TXNDC16: variants seen among roughly 807,000 people sequenced by gnomAD.
TXNDC16 encodes thioredoxin domain containing 16, also known as thioredoxin domain-containing protein 16.
In TXNDC16, 74 loss-of-function variants were observed where a neutral mutation model predicts 85.6. That is an observed-to-expected ratio of 0.86 (90% CI 0.72 to 1.05). The LOEUF is 1.05. Among genes scored for constraint, TXNDC16 ranks in the 50% least tolerant of loss-of-function variants. TXNDC16 has a pLI of 0.00. For synonymous variants in TXNDC16, 335 were observed against 326.5 expected (o/e 1.03, Z -0.28); for missense variants, 959 against 947.0 (o/e 1.01, Z -0.17).
intron 9 of TXNDC16, among the ~76,000 whole-genome samples, chr14:52,496,012 T>C (rs911453598): frequency 6.6e-6 from 1 of 151,806 alleles, no homozygotes; most frequent in Non-Finnish European, 1.5e-5. Context: ...GAAAAAAAAT[T>C]AGCCGGGTGT....
At chr14:52,535,216 C>A (rs1052846490) in intron 6 of TXNDC16, among the ~76,000 whole-genome samples, 1 of 152,108 alleles carries the variant, frequency 6.6e-6, no homozygotes, top group East Asian at 1.9e-4. Context: ...ATATCTATTA[C>A]TTGGACTTTT....
intron 4 of TXNDC16, among the ~76,000 whole-genome samples, chr14:52,539,958 T>C (rs758753538): frequency 2.0e-5 from 3 of 152,210 alleles, no homozygotes; most frequent in Non-Finnish European, 2.9e-5. Context: ...TCAAATTTTG[T>C]ACTTTACGTT....
intron 9 of TXNDC16, among the ~76,000 whole-genome samples, chr14:52,505,008 A>C (rs1176123098): frequency 6.6e-6 from 1 of 152,278 alleles, no homozygotes; most frequent in South Asian, 2.1e-4. Flanking sequence ...ATCAATTCAA[A>C]AAGAAGAGCT....
At chr14:52,540,448 A>T (rs879691302) in intron 4 of TXNDC16, among the ~76,000 whole-genome samples, 1 of 152,094 alleles carries the variant, frequency 6.6e-6, no homozygotes, top group Non-Finnish European at 1.5e-5. Flanking sequence ...AATATGGTGA[A>T]ACCCCATCTC....
chr14:52,514,847 T>A (rs760233550), intron 8 of TXNDC16, 33 bp downstream of exon 8: 1 of 1,504,490 alleles, frequency 6.6e-7, no homozygotes, highest in East Asian at 2.3e-5. Flanking sequence ...AAAAAAAACC[T>A]TTAAATTGTT....
chr14:52,524,026 AGTAAAAAGTAT>A (rs1566577310), intron 6 of TXNDC16, among the ~76,000 whole-genome samples: 1 of 152,244 alleles, frequency 6.6e-6, no homozygotes, highest in African/African-American at 2.4e-5. Flanking sequence ...ATAATTTCCC[AGTAAAAAGTAT>A]GTCATTATCG....
At chr14:52,508,793 A>T (rs905995766) in intron 9 of TXNDC16, among the ~76,000 whole-genome samples, 1 of 152,180 alleles carries the variant, frequency 6.6e-6, no homozygotes, top group African/African-American at 2.4e-5. Flanking sequence ...GGAAACCATC[A>T]TTCTCAGCAA....
chr14:52,498,048 C>T (rs1023183688), intron 9 of TXNDC16, among the ~76,000 whole-genome samples: 1 of 152,098 alleles, frequency 6.6e-6, no homozygotes, highest in Non-Finnish European at 1.5e-5. Flanking sequence ...GGACAAAAAT[C>T]ACATGGTCAT....
chr14:52,458,554 AT>A lies in TXNDC16; in HGVS notation c.1619-1381del, dbSNP rs1440762842. Among the ~76,000 whole-genome samples, 3 of 152,184 alleles carry A rather than the reference AT, an allele frequency of 2.0e-5. No homozygotes were observed. The South Asian group carries it at 6.2e-4, about 31-fold the overall frequency. On this transcript the variant is annotated intron_variant, in intron 16 of 20. Transcript: ENST00000281741. ...AGAGCGAGACTCTGTCTCAAAAAAAATAAAAAGAGAGACGAGAGACAGAGAG... is the reference window on the plus strand; with the variant it reads ...AGAGCGAGACTCTGTCTCAAAAAAAAAAAAAGAGAGACGAGAGACAGAGAG...
chr14:52,464,300 C>T (rs2035721353), intron 16 of TXNDC16, among the ~76,000 whole-genome samples: 1 of 152,154 alleles, frequency 6.6e-6, no homozygotes, highest in Non-Finnish European at 1.5e-5. Flanking sequence ...TTTCTAGTTG[C>T]TACCAGATTG....
chr14:52,543,314 T>C, intron 3 of TXNDC16, 84 bp downstream of exon 3: 2 of 1,419,400 alleles, frequency 1.4e-6, no homozygotes, highest in Non-Finnish European at 1.9e-6. Flanking sequence ...TTATTAATCT[T>C]AACAGAAATT....
At chr14:52,519,648 G>T (rs573960545) in intron 6 of TXNDC16, among the ~76,000 whole-genome samples, 1 of 152,264 alleles carries the variant, frequency 6.6e-6, no homozygotes, top group Admixed American at 6.5e-5. Flanking sequence ...AGGCTTCTTT[G>T]CATGGCCTAT....
intron 7 of TXNDC16, 47 bp downstream of exon 7, chr14:52,519,125 A>G (rs780509903): frequency 1.1e-5 from 17 of 1,564,488 alleles, no homozygotes; most frequent in Admixed American, 3.7e-5. Flanking sequence ...TTCAACATAC[A>G]TAAGTACAGA....
chr14:52,450,393 A>G (rs1159623451), intron 18 of TXNDC16, among the ~76,000 whole-genome samples: 1 of 152,022 alleles, frequency 6.6e-6, no homozygotes, highest in Non-Finnish European at 1.5e-5. Flanking sequence ...AAGAAATTCA[A>G]AACCTAAATG....
At chr14:52,507,231 T>C (rs1388383661) in intron 9 of TXNDC16, among the ~76,000 whole-genome samples, 1 of 152,064 alleles carries the variant, frequency 6.6e-6, no homozygotes, top group African/African-American at 2.4e-5. Flanking sequence ...GGATACAAAA[T>C]CAATGTGCAA....
At chr14:52,474,488 T>C (rs2035976728) in intron 14 of TXNDC16, among the ~76,000 whole-genome samples, 1 of 152,154 alleles carries the variant, frequency 6.6e-6, no homozygotes, top group South Asian at 2.1e-4. Flanking sequence ...CATGCCTATA[T>C]TCCCAGCACT....
At chr14:52,490,066 C>T (rs1330135358) in intron 11 of TXNDC16, among the ~76,000 whole-genome samples, 2 of 152,008 alleles carry the variant, frequency 1.3e-5, no homozygotes, top group Non-Finnish European at 2.9e-5. Flanking sequence ...TGGGCTCAAG[C>T]GATCCACCTG....
chr14:52,483,040 C>A, intron 12 of TXNDC16, 75 bp from the exon 13 acceptor site: 1 of 1,242,886 alleles, frequency 8.0e-7, no homozygotes, highest in Non-Finnish European at 1.1e-6. Flanking sequence ...TCATAGGAAG[C>A]ATATAATAAT....
chr14:52,470,442 CA>C (rs2035879688), intron 15 of TXNDC16, 69 bp downstream of exon 15: 1 of 1,488,042 alleles, frequency 6.7e-7, no homozygotes, highest in Admixed American at 2.2e-5. Flanking sequence ...TAAGTGTTAG[CA>C]AAGTCTGAGA....
Sources: allele counts gnomAD v4.1 joint callset (sites outside exome capture counted in the v4.1 genomes callset), GRCh38; gene constraint gnomAD v4.1.1; transcripts MANE v1.5; gene names NCBI Gene and HGNC (gene_info 2026-07-23, HGNC 2026-07-21).